Variants in EPC1 observed in about 807,000 individuals in gnomAD.
EPC1 encodes enhancer of polycomb homolog 1.
In EPC1, 12 loss-of-function variants were observed where a neutral mutation model predicts 98.4. The ratio of observed to expected loss-of-function variants is 0.12; its 90% CI spans 0.08 to 0.20. EPC1 has a LOEUF of 0.20. EPC1 is among the 10% of genes least tolerant of loss of function. The probability of loss-of-function intolerance (pLI) is 1.00; values close to 1 mark genes in which losing one functional copy is unlikely to be tolerated. For missense variants in EPC1, 729 were observed against 990.5 expected, an observed-to-expected ratio of 0.74 and a Z score of 3.54; for synonymous variants, 357 against 363.9, an observed-to-expected ratio of 0.98 and a Z score of 0.21.
chr10:32,273,908 C>G (rs182958579), intron 10 of EPC1: 2 of 152,004 alleles, frequency 1.3e-5, no homozygotes, highest in Admixed American at 1.3e-4. Context: ...ATTTTCCCCA[C>G]CCAATTAACC....
chr10:32,293,106 T>G lies in EPC1; in HGVS notation c.548A>C (p.Lys183Thr). 6.2e-7 allele frequency: 1 copy of G among 1,613,434 alleles called. No individual in the cohort carries two copies. The highest frequency in any genetic ancestry group is 8.5e-7 in the Non-Finnish European group (1 of 1,179,512). The change falls in exon 4 of 14, where the codon AAA becomes ACA. Residue 183 changes from lysine (K) to threonine (T), a missense_variant. Around this residue, in one of 6 missense-constraint regions of EPC1, gnomAD observed 94 missense variants for 125.1 expected, o/e 0.75. Transcript: ENST00000319778. ...EVYEYWIKKR[K>T]NCRGPSLIPS... ...AATAAGAGATGGCCCTCGACAGTTT[T>G]TTCTCTTTTTAATCCAATATTCATA...
At chr10:32,345,379 G>A (rs1838697522) in intron 1 of EPC1, 1 of 985,370 alleles carries the variant, frequency 1.0e-6, no homozygotes, top group Middle Eastern at 5.2e-4. Context: ...AACCCAAAGA[G>A]TTTAAACAGT....
intron 1 of EPC1, 192 bp downstream of exon 1, chr10:32,346,571 A>G: frequency 1.6e-6 from 1 of 610,234 alleles, no homozygotes. Flanking sequence ...TGGCCTTAGA[A>G]GGGGCCCCGC....
chr10:32,356,642 T>C (rs1839285957), intron 1 of EPC1, among the ~76,000 whole-genome samples: 1 of 152,212 alleles, frequency 6.6e-6, no homozygotes, highest in South Asian at 2.1e-4. Context: ...CTCTGTGAGC[T>C]GAGCCGTGAA....
At chr10:32,372,589 C>A (rs1022593694) in intron 1 of EPC1, among the ~76,000 whole-genome samples, 1 of 152,166 alleles carries the variant, frequency 6.6e-6, no homozygotes, top group Non-Finnish European at 1.5e-5. Flanking sequence ...GTATCAGAAG[C>A]AAATTCGACA....
At chr10:32,329,530 G>T (rs1246751437) in intron 1 of EPC1, among the ~76,000 whole-genome samples, 5 of 152,178 alleles carry the variant, frequency 3.3e-5, no homozygotes, top group Non-Finnish European at 5.9e-5. Context: ...TGATAAAAAT[G>T]AGGGCTAGCA....
chr10:32,345,809 T>C (rs1020678258), intron 1 of EPC1, among the ~76,000 whole-genome samples: 1 of 152,340 alleles, frequency 6.6e-6, no homozygotes, highest in East Asian at 1.9e-4. Context: ...AGTTCGGTTT[T>C]GAATAAGAAA....
At chr10:32,279,669 A>G (rs1177867512) in intron 10 of EPC1, among the ~76,000 whole-genome samples, 2 of 152,184 alleles carry the variant, frequency 1.3e-5, no homozygotes, top group East Asian at 3.9e-4. Context: ...CACATATTGA[A>G]CATAGAATTG....
At chr10:32,290,213 GGCTCAC>G (rs1836917503) in intron 6 of EPC1, among the ~76,000 whole-genome samples, 1 of 152,194 alleles carries the variant, frequency 6.6e-6, no homozygotes, top group Admixed American at 6.5e-5. Context: ...TGGGTGCAGT[GGCTCAC>G]GCCTATAATC....
intron 1 of EPC1, among the ~76,000 whole-genome samples, chr10:32,329,599 T>C (rs1484877777): frequency 6.6e-6 from 1 of 152,202 alleles, no homozygotes; most frequent in Non-Finnish European, 1.5e-5. Flanking sequence ...GGAACCATCA[T>C]TATCTTCATA....
chr10:32,324,650 T>C (rs1051232212), intron 1 of EPC1, among the ~76,000 whole-genome samples: 14 of 152,098 alleles, frequency 9.2e-5, no homozygotes, highest in Non-Finnish European at 1.8e-4. Context: ...TCTTAAAAGA[T>C]ATTCTTTCTC....
intron 1 of EPC1, among the ~76,000 whole-genome samples, chr10:32,323,214 C>T (rs935312364): frequency 6.6e-6 from 1 of 152,050 alleles, no homozygotes; most frequent in African/African-American, 2.4e-5. Context: ...ACAGGTTTTT[C>T]TTCCTTTTCA....
At chr10:32,345,865 G>A (rs570155603) in intron 1 of EPC1, among the ~76,000 whole-genome samples, 1 of 152,238 alleles carries the variant, frequency 6.6e-6, no homozygotes, top group East Asian at 1.9e-4. Context: ...CTTAAATTGG[G>A]TCTTTTCTCC....
Position 32,326,288 on chromosome 10 carries a change from T to A in EPC1, c.154-20357A>T, listed in dbSNP as rs565207591. ...GGGTTAGGTGCCTAATTCTGGCCAA[T>A]TGTAAGTCAAAGTGACCTATATGAC... is the stretch of plus-strand genomic sequence containing the variant. On this transcript the variant is annotated intron_variant, in intron 1 of 13. Coordinates refer to ENST00000319778, the MANE Select transcript of EPC1 (RefSeq NM_001272004.3). Among the ~76,000 whole-genome samples the A allele has an allele frequency of 2.0e-5, 3 of 152,286 alleles. No individual in the cohort carries two copies. In the South Asian group the frequency reaches 6.2e-4, roughly 32 times the overall value.
chr10:32,332,686 C>T (rs1288252473), intron 1 of EPC1, among the ~76,000 whole-genome samples: 5 of 152,196 alleles, frequency 3.3e-5, no homozygotes, highest in African/African-American at 2.4e-5. Context: ...CAGAACCACC[C>T]AACAGATGTT....
chr10:32,306,515 G>A (rs1835884559), intron 1 of EPC1, among the ~76,000 whole-genome samples: 1 of 152,098 alleles, frequency 6.6e-6, no homozygotes, highest in Non-Finnish European at 1.5e-5. Flanking sequence ...TATGTGTAGG[G>A]GCAGAAAGCA....
At chr10:32,333,650 C>G (rs934664384) in intron 1 of EPC1, among the ~76,000 whole-genome samples, 1 of 152,146 alleles carries the variant, frequency 6.6e-6, no homozygotes, top group East Asian at 1.9e-4. Flanking sequence ...ACTATAAAAT[C>G]TTCTGTTAAG....
rs1375255132 is a variant in EPC1 at position 32,293,692 on chromosome 10, T to G, written c.359A>C (p.Glu120Ala). ...CAGTTTATTCACAAATACTTCATCT[T>G]CAGAATCCAAATCATAATCAGGCTG... ...AEQPDYDLDS[E>A]DEVFVNKLKK... The change falls in exon 3 of 14, where the codon GAA (glutamate) becomes GCA (alanine). Residue 120 changes from glutamate to alanine, a missense_variant. By Grantham distance (107) the Glu-to-Ala change is moderately radical (BLOSUM62 -1). This residue lies in a region of EPC1 where 94 missense variants were observed against 125.1 expected (regional missense o/e 0.75). Coordinates refer to ENST00000319778, the MANE Select transcript of EPC1 (RefSeq NM_001272004.3). 4.3e-6 allele frequency: 7 copies of G among 1,613,546 alleles called. No individual in the cohort carries two copies. The highest frequency in any genetic ancestry group is 5.9e-6 in the Non-Finnish European group (7 of 1,179,826).
chr10:32,308,373 G>A (rs1334661672), intron 1 of EPC1, among the ~76,000 whole-genome samples: 1 of 127,806 alleles, frequency 7.8e-6, no homozygotes, highest in Non-Finnish European at 1.7e-5. Flanking sequence ...CTGGGTAACT[G>A]AGCAACAGTC....
Sources: allele counts gnomAD v4.1 joint callset (sites outside exome capture counted in the v4.1 genomes callset), GRCh38; gene constraint gnomAD v4.1.1; regional missense constraint gnomAD v4.1.1; transcripts MANE v1.5; gene names NCBI Gene and HGNC (gene_info 2026-07-23, HGNC 2026-07-21).